Variants in TPRX1 observed in about 807,000 individuals in gnomAD.
TPRX1 encodes tetrapeptide repeat homeobox 1, also known as tetra-peptide repeat homeobox protein 1.
A neutral mutation model predicts 8.1 loss-of-function variants in TPRX1; 2 were observed. That is an observed-to-expected ratio of 0.25 (90% CI 0.10 to 0.78). The LOEUF is 0.78. Ranked by LOEUF, TPRX1 falls within the 30% of genes least tolerant of loss-of-function variation. The pLI, the probability that TPRX1 is intolerant of heterozygous loss-of-function variation, is 0.70. For missense variants in TPRX1, 517 were observed against 586.9 expected (o/e 0.88, Z 1.23); for synonymous variants, 257 against 254.1 (o/e 1.01, Z -0.11).
intron 2 of TPRX1, among the ~76,000 whole-genome samples, chr19:47,816,583 A>C (rs1199505334): frequency 7.5e-6 from 1 of 133,458 alleles, no homozygotes; most frequent in Non-Finnish European, 1.5e-5. Flanking sequence ...CCCAGGCTGG[A>C]GTGCGGTGGC....
At chr19:47,807,762 C>T (rs2123714982) in intron 2 of TPRX1, among the ~76,000 whole-genome samples, 1 of 152,222 alleles carries the variant, frequency 6.6e-6, no homozygotes, top group African/African-American at 2.4e-5. Flanking sequence ...CAGCATATTG[C>T]CCTGTGGATT....
At chr19:47,805,357 C>A (rs1308077348) in intron 2 of TPRX1, among the ~76,000 whole-genome samples, 1 of 152,060 alleles carries the variant, frequency 6.6e-6, no homozygotes, top group African/African-American at 2.4e-5. Context: ...ATGGACGTGC[C>A]CATGGACCGC....
intron 2 of TPRX1, among the ~76,000 whole-genome samples, chr19:47,811,289 C>T (rs1292238863): frequency 6.6e-6 from 1 of 151,874 alleles, no homozygotes; most frequent in African/African-American, 2.4e-5. Flanking sequence ...CAGGTGTGAG[C>T]CACCGCACCT....
At chr19:47,813,910 G>A (rs1055490403) in intron 2 of TPRX1, among the ~76,000 whole-genome samples, 5 of 149,222 alleles carry the variant, frequency 3.4e-5, no homozygotes, top group Admixed American at 6.7e-5. Flanking sequence ...GGCAGAGGAC[G>A]AGGGAGACCA....
intron 2 of TPRX1, among the ~76,000 whole-genome samples, chr19:47,808,090 C>G (rs1032837392): frequency 1.4e-4 from 21 of 151,358 alleles, no homozygotes. Flanking sequence ...CCACCATGTC[C>G]GGGTAATTTT....
chr19:47,815,137 T>TATGCAAATATATATATAC (rs1967824813), intron 2 of TPRX1, among the ~76,000 whole-genome samples: 1 of 111,732 alleles, frequency 8.9e-6, no homozygotes, highest in South Asian at 2.8e-4. Context: ...TATATATATA[T>TATGCAAATATATATATAC]ATATATGCAA....
intron 2 of TPRX1, among the ~76,000 whole-genome samples, chr19:47,806,704 G>A (rs1205856585): frequency 2.6e-5 from 4 of 152,066 alleles, no homozygotes; most frequent in Admixed American, 6.6e-5. Flanking sequence ...GCACATATAC[G>A]ATTCTATTTA....
In TPRX1 at chr19:47,818,420, G is replaced by GTCCA. The variant is rs745798242; in HGVS notation, c.151+44_151+47dup. The GTCCA allele has an allele frequency of 1.6e-4, 62 of 388,134 alleles. 1 individual carries two copies. Among genetic ancestry groups the GTCCA allele is most frequent in the Middle Eastern group, 3.7e-4 (1 of 2,736 alleles). The allele number at this position is 388,134 out of a possible 1,614,324, so 24.0% of individuals were successfully genotyped here. ...CATCCATCCATCCATCCATCCCTCC[G>GTCCA]TCCATCCATCCATCCATTTCTTTCA... On this transcript the variant is annotated intron_variant, in intron 2 of 3. Transcript: ENST00000535759.
exon 4 of TPRX1, chr19:47,802,144 A>G: frequency 6.3e-7 from 1 of 1,591,040 alleles, no homozygotes; most frequent in Non-Finnish European, 8.5e-7. Flanking sequence ...TCCGGCCAGG[A>G]CTTAAGATGG....
In TPRX1 at chr19:47,802,958, GCGCGGC is replaced by G. The variant is rs554429070; in HGVS notation, c.338_343del (p.Arg113_Ala115delinsPro). The G allele has an allele frequency of 4.8e-3, 7,462 of 1,555,014 alleles. 55 individuals are homozygous for G. The highest frequency in any genetic ancestry group is 9.6e-3 in the Middle Eastern group (43 of 4,502). On this transcript the variant is annotated inframe_deletion, in exon 4 of 4. Coordinates refer to ENST00000535759, the Ensembl canonical transcript of TPRX1. Reference sequence around the variant, plus strand: ...GAGCCGCCGCTCCCGAGCTAGTTTGGCGCGGCGATTCTTGAACCACACCTGGGGGGC... The same window carrying G: ...GAGCCGCCGCTCCCGAGCTAGTTTGGGATTCTTGAACCACACCTGGGGGGC...
At chr19:47,805,076 A>G (rs13344830) in intron 2 of TPRX1, among the ~76,000 whole-genome samples, 12,448 of 152,278 alleles carry the variant, frequency 0.082, 587 homozygotes, top group Middle Eastern at 0.17. Context: ...CCTACTATCC[A>G]TTCCAAAAAT....
intron 2 of TPRX1, among the ~76,000 whole-genome samples, chr19:47,804,268 T>G (rs1043953272): frequency 2.0e-5 from 3 of 151,658 alleles, no homozygotes; most frequent in Non-Finnish European, 4.4e-5. Context: ...TTGGCTCGGC[T>G]GGTTTCAGAG....
chr19:47,812,558 A>C (rs1967793396), intron 2 of TPRX1, among the ~76,000 whole-genome samples: 1 of 151,546 alleles, frequency 6.6e-6, no homozygotes, highest in South Asian at 2.1e-4. Context: ...ATATGGTGAA[A>C]CTCTGTCTCT....
At chr19:47,814,093 G>A (rs1967810061) in intron 2 of TPRX1, among the ~76,000 whole-genome samples, 1 of 149,930 alleles carries the variant, frequency 6.7e-6, no homozygotes, top group Admixed American at 6.7e-5. Context: ...GTCCTGCTCT[G>A]TCAGCCAGGC....
Position 47,815,935 on chromosome 19 carries a change from G to T in TPRX1, c.151+2533C>A, listed in dbSNP as rs550891323. On this transcript the variant is annotated intron_variant, in intron 2 of 3. Transcript: ENST00000535759. Reference sequence around the variant, plus strand: ...ATTTCAAGAGCTGGAGAGGACCCTGGAGTGTTTCTTTGGGACTTGGGACAA... The same window carrying T: ...ATTTCAAGAGCTGGAGAGGACCCTGTAGTGTTTCTTTGGGACTTGGGACAA... Among the ~76,000 whole-genome samples, 11 of 152,268 alleles carry T rather than the reference G, an allele frequency of 7.2e-5. No homozygotes were observed. The South Asian group carries it at 2.1e-3, about 29-fold the overall frequency.
At chr19:47,814,552 T>C (rs1967814139) in intron 2 of TPRX1, among the ~76,000 whole-genome samples, 1 of 152,070 alleles carries the variant, frequency 6.6e-6, no homozygotes. Flanking sequence ...CACTCTCCCC[T>C]CTCTGTTCCT....
At position 47,802,155 on chromosome 19, in the gene TPRX1, G is replaced by GACCT; in HGVS notation, c.1143_1146dup (p.Pro383ArgfsTer96). 2 of 1,599,298 alleles carry GACCT rather than the reference G, an allele frequency of 1.3e-6. No individual in the cohort carries two copies. Among genetic ancestry groups the GACCT allele is most frequent in the Admixed American group, 3.4e-5 (2 of 58,524 alleles). ...CGCATCCGGCCAGGACTTAAGATGG[G>GACCT]ACCTGGGCCTTGGAGTCTGCCTGGG... On this transcript the variant is annotated frameshift_variant, in exon 4 of 4. Coordinates refer to ENST00000535759, the Ensembl canonical transcript of TPRX1. LOFTEE classifies it low-confidence loss of function (END_TRUNC).
At chr19:47,812,843 C>T (rs1490712260) in intron 2 of TPRX1, among the ~76,000 whole-genome samples, 2 of 149,590 alleles carry the variant, frequency 1.3e-5, no homozygotes, top group Non-Finnish European at 3.0e-5. Context: ...TGGTGGCTCA[C>T]GCCTGTAATC....
chr19:47,809,761 C>T (rs1445128370), intron 2 of TPRX1, among the ~76,000 whole-genome samples: 1 of 152,050 alleles, frequency 6.6e-6, no homozygotes, highest in Non-Finnish European at 1.5e-5. Context: ...CAACACCCTG[C>T]CCACAGAAGT....
Sources: allele counts gnomAD v4.1 joint callset (sites outside exome capture counted in the v4.1 genomes callset), GRCh38; gene constraint gnomAD v4.1.1; transcripts MANE v1.5; gene names NCBI Gene and HGNC (gene_info 2026-07-23, HGNC 2026-07-21).